The following ATG10 variants were observed in gnomAD, a reference collection of about 807,000 sequenced individuals.
The protein encoded by ATG10 is ubiquitin-like-conjugating enzyme ATG10.
Under a neutral mutation model 32.1 loss-of-function variants are expected in ATG10, and 30 were observed. The ratio of observed to expected loss-of-function variants is 0.94; its 90% CI spans 0.70 to 1.27. The LOEUF (loss-of-function observed/expected upper bound fraction) is 1.27. Ranked by LOEUF, ATG10 falls within the 50% of genes most tolerant of loss-of-function variation. The probability of loss-of-function intolerance (pLI) is 0.00; values close to 1 mark genes in which losing one functional copy is unlikely to be tolerated. For synonymous variants in ATG10, 87 were observed against 91.5 expected (o/e 0.95, Z 0.28); for missense variants, 233 against 262.3 (o/e 0.89, Z 0.77).
intron 3 of ATG10, among the ~76,000 whole-genome samples, chr5:82,080,523 T>C (rs192330872): frequency 4.3e-4 from 65 of 152,336 alleles, no homozygotes; most frequent in Admixed American, 1.3e-3. Context: ...TTAATTCATC[T>C]TGAATTACTT....
chr5:82,164,134 A>AT (rs973134913), intron 3 of ATG10, among the ~76,000 whole-genome samples: 9 of 151,326 alleles, frequency 5.9e-5, no homozygotes, highest in East Asian at 1.9e-4. Context: ...ATCTTTTCAG[A>AT]TTTTTTTTTC....
At chr5:82,026,990 C>T (rs372250838) in intron 2 of ATG10, among the ~76,000 whole-genome samples, 10 of 149,802 alleles carry the variant, frequency 6.7e-5, no homozygotes, top group South Asian at 2.1e-4. Context: ...ACCCAGGAGG[C>T]GGAGTTTGCA....
intron 1 of ATG10, among the ~76,000 whole-genome samples, chr5:81,976,645 G>T (rs1375700385): frequency 6.6e-6 from 1 of 152,114 alleles, no homozygotes. Context: ...TGCTTCTGCC[G>T]TTCACTCTTC....
intron 5 of ATG10, among the ~76,000 whole-genome samples, chr5:82,223,723 T>C (rs1343143946): frequency 6.6e-6 from 1 of 152,216 alleles, no homozygotes; most frequent in East Asian, 1.9e-4. Flanking sequence ...TATAGTCTTA[T>C]ATAGATGTTA....
intron 3 of ATG10, among the ~76,000 whole-genome samples, chr5:82,106,881 T>G (rs1482085565): frequency 2.0e-5 from 3 of 151,940 alleles, no homozygotes; most frequent in Admixed American, 2.0e-4. Context: ...GAGCAGTCAG[T>G]GTACTGTGGT....
intron 5 of ATG10, among the ~76,000 whole-genome samples, chr5:82,235,107 C>T (rs1051230355): frequency 1.3e-5 from 2 of 152,078 alleles, no homozygotes; most frequent in Admixed American, 6.6e-5. Context: ...TTTGCAGTGG[C>T]GGGGAGGGTG....
chr5:82,247,128 T>C (rs1747070166), intron 5 of ATG10, among the ~76,000 whole-genome samples: 1 of 152,168 alleles, frequency 6.6e-6, no homozygotes, highest in African/African-American at 2.4e-5. Flanking sequence ...GTGGGTTTTT[T>C]TATATTTCTC....
intron 5 of ATG10, among the ~76,000 whole-genome samples, chr5:82,203,828 A>G (rs1745178918): frequency 6.6e-6 from 1 of 152,208 alleles, no homozygotes; most frequent in Admixed American, 6.5e-5. Context: ...ATGGAGATAA[A>G]AGGATCTAAC....
chr5:82,130,737 C>T (rs1581720336), intron 3 of ATG10, among the ~76,000 whole-genome samples: 1 of 152,110 alleles, frequency 6.6e-6, no homozygotes, highest in East Asian at 1.9e-4. Context: ...CTGAAATCAC[C>T]TACTTTCTGC....
At chr5:82,034,352 T>G (rs1762846744) in intron 2 of ATG10, among the ~76,000 whole-genome samples, 2 of 152,196 alleles carry the variant, frequency 1.3e-5, no homozygotes, top group Admixed American at 1.3e-4. Flanking sequence ...TAGCAAATCC[T>G]AATAACTCTA....
chr5:82,049,406 G>A (rs1357060654), intron 2 of ATG10, among the ~76,000 whole-genome samples: 3 of 128,616 alleles, frequency 2.3e-5, no homozygotes, highest in African/African-American at 8.5e-5. Context: ...TGTGGGGGTG[G>A]GGGGAGGGGG....
chr5:82,007,511 A>G (rs991333336), intron 2 of ATG10, among the ~76,000 whole-genome samples: 7 of 152,102 alleles, frequency 4.6e-5, no homozygotes, highest in Non-Finnish European at 8.8e-5. Flanking sequence ...GGAGTGCAAC[A>G]GTGCAATTTC....
chr5:82,168,023 T>C lies in ATG10; in HGVS notation c.355+3486T>C, dbSNP rs531317611. Reference sequence around the variant, plus strand: ...TACATTGGAATAGTGCCTTATAGTTTAGTAAATCCACTCCCACAAAGCATT... The same window carrying C: ...TACATTGGAATAGTGCCTTATAGTTCAGTAAATCCACTCCCACAAAGCATT... On this transcript the variant is annotated intron_variant, in intron 4 of 7. Coordinates refer to ENST00000282185, the MANE Select transcript of ATG10 (RefSeq NM_031482.5). Among the ~76,000 whole-genome samples, 22 of 152,266 alleles carry C rather than the reference T, an allele frequency of 1.4e-4. No individual in the cohort carries two copies. In the South Asian group the frequency reaches 4.4e-3, roughly 30 times the overall value.
At position 81,993,972 on chromosome 5, in the gene ATG10, C is replaced by G. The variant is rs189633978; in HGVS notation, c.108+6294C>G. The stretch of plus-strand genomic sequence containing the variant: ...TTCTCTCTTCCTTTTTCAAGAGGAG[C>G]CTTGCCAAAATGTTTACCATCTTTT... On this transcript the variant is annotated intron_variant, in intron 2 of 7. Transcript: ENST00000282185. Among the ~76,000 whole-genome samples, 59 of 152,192 alleles carry G rather than the reference C, an allele frequency of 3.9e-4. 1 individual carries two copies. The East Asian group carries it at 7.9e-3, about 20-fold the overall frequency.
intron 5 of ATG10, among the ~76,000 whole-genome samples, chr5:82,200,085 C>T (rs1022457767): frequency 6.6e-6 from 1 of 152,116 alleles, no homozygotes; most frequent in African/African-American, 2.4e-5. Flanking sequence ...AAGAATAAAA[C>T]TACTAAAAAC....
chr5:82,192,146 T>C (rs537703786), intron 5 of ATG10, among the ~76,000 whole-genome samples: 1 of 152,216 alleles, frequency 6.6e-6, no homozygotes, highest in Non-Finnish European at 1.5e-5. Context: ...TCCATTTTGC[T>C]GGTGGGAGTT....
intron 5 of ATG10, among the ~76,000 whole-genome samples, chr5:82,227,719 G>A (rs1297606867): frequency 6.6e-6 from 1 of 152,136 alleles, no homozygotes; most frequent in East Asian, 1.9e-4. Context: ...TAGTGGTTAA[G>A]TACTTGGGCT....
intron 4 of ATG10, among the ~76,000 whole-genome samples, chr5:82,167,820 A>G (rs1743641909): frequency 1.3e-5 from 2 of 152,210 alleles, no homozygotes; most frequent in African/African-American, 4.8e-5. Context: ...CTCAGTTACC[A>G]AGTGGGCAAC....
chr5:82,139,573 C>G, intron 3 of ATG10, among the ~76,000 whole-genome samples: 1 of 148,952 alleles, frequency 6.7e-6, no homozygotes, highest in South Asian at 2.2e-4. Context: ...GCCCGGCCGC[C>G]CCGTCTGAGA....
Sources: allele counts gnomAD v4.1 joint callset (sites outside exome capture counted in the v4.1 genomes callset), GRCh38; gene constraint gnomAD v4.1.1; transcripts MANE v1.5; gene names NCBI Gene and HGNC (gene_info 2026-07-23, HGNC 2026-07-21).